Variants in NXPE4 observed in about 807,000 individuals in gnomAD.
NXPE4 encodes neurexophilin and PC-esterase domain family member 4.
A neutral mutation model predicts 33.3 loss-of-function variants in NXPE4; 42 were observed. The observed-to-expected ratio is 1.26, with a 90% CI of 0.98 to 1.63. The LOEUF is 1.63. Ranked by LOEUF, NXPE4 falls within the 40% of genes most tolerant of loss-of-function variation. The pLI is 0.00. For missense variants in NXPE4, 709 were observed against 647.6 expected, an observed-to-expected ratio of 1.09 and a Z score of -1.03; for synonymous variants, 253 against 234.9, an observed-to-expected ratio of 1.08 and a Z score of -0.71.
chr11:114,625,881 G>C, the NXPE4 span, among the ~76,000 whole-genome samples: 3 of 152,146 alleles, frequency 2.0e-5, no homozygotes, highest in African/African-American at 7.2e-5. Flanking sequence ...AGGGGTCAGG[G>C]AGTTCCCTTT....
chr11:114,615,569 C>G, the NXPE4 span, among the ~76,000 whole-genome samples: 1 of 150,730 alleles, frequency 6.6e-6, no homozygotes, highest in Admixed American at 6.6e-5. Flanking sequence ...TCGTGGGTAA[C>G]CACCTTTACC....
At chr11:114,605,328 A>G in the NXPE4 span, among the ~76,000 whole-genome samples, 1 of 151,968 alleles carries the variant, frequency 6.6e-6, no homozygotes, top group South Asian at 2.1e-4. Flanking sequence ...CCTGGTGGAT[A>G]ATAAGTATTG....
chr11:114,663,375 A>G, the NXPE4 span, among the ~76,000 whole-genome samples: 1 of 152,122 alleles, frequency 6.6e-6, no homozygotes, highest in South Asian at 2.1e-4. Flanking sequence ...TTCCTGTTCA[A>G]GAGTTAGGAC....
rs1193038522 is a variant in NXPE4 at position 114,576,989 on chromosome 11, ATAC to A, written c.1099+3140_1099+3142del. ...AAAGAAGATGTTTATATATATATAT[ATAC>A]ATATATATATATAAAGTTATATATA... On this transcript the variant is annotated intron_variant, in intron 5 of 5. Coordinates refer to ENST00000375478, the MANE Select transcript of NXPE4 (RefSeq NM_001077639.2). Among the ~76,000 whole-genome samples, 145 of 116,544 alleles carry A rather than the reference ATAC, an allele frequency of 1.2e-3. 2 individuals are homozygous for A. Among genetic ancestry groups the A allele is most frequent in the African/African-American group, 5.0e-3 (139 of 27,990 alleles). 76.5% of individuals were successfully genotyped at this position (116,544 alleles called of 152,430 possible).
At chr11:114,652,099 T>A in the NXPE4 span, among the ~76,000 whole-genome samples, 2 of 152,320 alleles carry the variant, frequency 1.3e-5, no homozygotes, top group East Asian at 1.9e-4. Context: ...AATTTTTTTT[T>A]AATCTACTGC....
intron 5 of NXPE4, among the ~76,000 whole-genome samples, chr11:114,579,614 A>T (rs1362393562): frequency 6.6e-6 from 1 of 152,220 alleles, no homozygotes; most frequent in East Asian, 1.9e-4. Context: ...TTATGTAAGA[A>T]ACAATATTCT....
At chr11:114,646,313 A>C in the NXPE4 span, among the ~76,000 whole-genome samples, 1 of 151,590 alleles carries the variant, frequency 6.6e-6, no homozygotes, top group Admixed American at 6.6e-5. Context: ...ATGTATATTT[A>C]TATTACAAAT....
intron 2 of NXPE4, 53 bp downstream of exon 2, chr11:114,594,611 G>C: frequency 8.7e-7 from 1 of 1,145,636 alleles, no homozygotes; most frequent in Non-Finnish European, 1.3e-6. Flanking sequence ...GAACAGATGA[G>C]GTAATAAGCA....
At chr11:114,633,456 CT>C in the NXPE4 span, among the ~76,000 whole-genome samples, 18 of 143,478 alleles carry the variant, frequency 1.3e-4, no homozygotes, top group South Asian at 1.1e-3. Flanking sequence ...TATATTTTTT[CT>C]TTTTTTTATT....
chr11:114,636,573 C>G, the NXPE4 span, among the ~76,000 whole-genome samples: 1 of 141,934 alleles, frequency 7.0e-6, no homozygotes, highest in Admixed American at 6.9e-5. Flanking sequence ...AATTTTGGAT[C>G]TTTCCTGCTT....
chr11:114,667,019 T>A, the NXPE4 span, among the ~76,000 whole-genome samples: 1 of 152,146 alleles, frequency 6.6e-6, no homozygotes, highest in African/African-American at 2.4e-5. Context: ...TCTAACGTCC[T>A]CACTTTTAAA....
At chr11:114,620,427 G>T in the NXPE4 span, among the ~76,000 whole-genome samples, 1 of 152,212 alleles carries the variant, frequency 6.6e-6, no homozygotes, top group Non-Finnish European at 1.5e-5. Context: ...TGAGTCATGG[G>T]TAACCACTGT....
rs552658210 is a variant in NXPE4, at chr11:114,589,148, A to C, written c.96+5516T>G. ...GATATCCAGGAAGCAAGAAGAAGCC[A>C]CCTCGACCCTCTCTAGCCTGTGGTG... On this transcript the variant is annotated intron_variant, in intron 2 of 5. Transcript: ENST00000375478. Among the ~76,000 whole-genome samples, 376 of 152,218 alleles carry C rather than the reference A, an allele frequency of 2.5e-3. 2 individuals are homozygous for C. Among genetic ancestry groups the C allele is most frequent in the African/African-American group, 8.8e-3 (367 of 41,528 alleles).
At chr11:114,648,517 G>T in the NXPE4 span, among the ~76,000 whole-genome samples, 1 of 152,104 alleles carries the variant, frequency 6.6e-6, no homozygotes, top group African/African-American at 2.4e-5. Flanking sequence ...TAATTTAAAC[G>T]TTAATCTACC....
chr11:114,626,663 C>T, the NXPE4 span, among the ~76,000 whole-genome samples: 1 of 152,220 alleles, frequency 6.6e-6, no homozygotes, highest in African/African-American at 2.4e-5. Context: ...CAGAACAAAG[C>T]TGGACGGAGA....
chr11:114,601,649 A>G, the NXPE4 span, among the ~76,000 whole-genome samples: 1 of 74,350 alleles, frequency 1.3e-5, no homozygotes, highest in Non-Finnish European at 2.3e-5. Context: ...ATATATAATT[A>G]TATATTATAA....
the NXPE4 span, among the ~76,000 whole-genome samples, chr11:114,629,017 G>C: frequency 1.3e-5 from 2 of 152,056 alleles, no homozygotes; most frequent in Non-Finnish European, 2.9e-5. Flanking sequence ...CTCTGAAATT[G>C]TGGCAATAAT....
intron 2 of NXPE4, among the ~76,000 whole-genome samples, chr11:114,586,298 T>C (rs1949296202): frequency 6.6e-6 from 1 of 152,204 alleles, no homozygotes; most frequent in Admixed American, 6.5e-5. Context: ...AGAGAGACAA[T>C]GAACCTCGGG....
At chr11:114,600,541 A>C (rs1208520493), upstream of NXPE4, among the ~76,000 whole-genome samples, 2 of 152,148 alleles carry the variant, frequency 1.3e-5, no homozygotes, top group East Asian at 1.9e-4. Flanking sequence ...ATAGAAAAAA[A>C]TTGAGTGACG....
Sources: allele counts gnomAD v4.1 joint callset (sites outside exome capture counted in the v4.1 genomes callset), GRCh38; gene constraint gnomAD v4.1.1; transcripts MANE v1.5; gene names NCBI Gene and HGNC (gene_info 2026-07-23, HGNC 2026-07-21).